Variants in USP4 observed in about 807,000 individuals in gnomAD.
USP4 encodes ubiquitin carboxyl-terminal hydrolase 4.
Under a neutral mutation model 118.2 loss-of-function variants are expected in USP4, and 72 were observed. The ratio of observed to expected loss-of-function variants is 0.61; its 90% CI spans 0.50 to 0.74. USP4 has a LOEUF of 0.74. USP4 is among the 30% of genes least tolerant of loss of function. USP4 has a pLI of 0.00. For synonymous variants in USP4, 415 were observed against 440.4 expected (o/e 0.94, Z 0.72); for missense variants, 1,037 against 1,185.7 (o/e 0.87, Z 1.84).
At chr3:49,304,109 T>A (rs991372487) in intron 9 of USP4, among the ~76,000 whole-genome samples, 2 of 152,200 alleles carry the variant, frequency 1.3e-5, no homozygotes, top group African/African-American at 4.8e-5. Context: ...CATTTATATA[T>A]TTCCCAGGGA....
intron 1 of USP4, among the ~76,000 whole-genome samples, chr3:49,336,642 A>C (rs2047671763): frequency 6.6e-6 from 1 of 151,750 alleles, no homozygotes; most frequent in Non-Finnish European, 1.5e-5. Flanking sequence ...CTCCTGCCTC[A>C]GTCTCCCGTA....
chr3:49,295,703 C>T (rs941770925), intron 13 of USP4, among the ~76,000 whole-genome samples: 30 of 145,978 alleles, frequency 2.1e-4, no homozygotes, highest in Admixed American at 7.4e-4. Flanking sequence ...TGCACGTGTG[C>T]GCGCGCGCGC....
At chr3:49,337,283 A>G (rs897267479) in intron 1 of USP4, among the ~76,000 whole-genome samples, 3 of 152,294 alleles carry the variant, frequency 2.0e-5, no homozygotes, top group South Asian at 4.1e-4. Flanking sequence ...TGTCAAAAAA[A>G]AAAAAGTACA....
chr3:49,307,981 C>T (rs945963197), intron 8 of USP4, among the ~76,000 whole-genome samples: 4 of 151,750 alleles, frequency 2.6e-5, no homozygotes, highest in Non-Finnish European at 4.4e-5. Context: ...CTAGCCTGGG[C>T]ATCAGAGAGA....
chr3:49,332,438 C>T (rs2047627850), intron 2 of USP4, among the ~76,000 whole-genome samples: 1 of 150,336 alleles, frequency 6.7e-6, no homozygotes, highest in South Asian at 2.1e-4. Flanking sequence ...GGTGACAGGG[C>T]AAGACCCTGT....
At position 49,280,881 on chromosome 3, in the gene USP4, T is replaced by C. The variant is rs190685528; in HGVS notation, c.2541-34A>G. On this transcript the variant is annotated intron_variant, in intron 19 of 21. Transcript: ENST00000265560. ...AAAACACAAAAATAGTTATTGAATATGTTAAACCCAAACAAAGTAGTTAAG... is the reference window on the plus strand; with the variant it reads ...AAAACACAAAAATAGTTATTGAATACGTTAAACCCAAACAAAGTAGTTAAG... The C allele has an allele frequency of 1.3e-5, 21 of 1,594,586 alleles. No homozygotes were observed. The Admixed American group carries it at 3.4e-4, about 26-fold the overall frequency.
chr3:49,305,692 C>CAT (rs768007728), intron 9 of USP4, 23 bp downstream of exon 9: 387 of 1,536,608 alleles, frequency 2.5e-4, no homozygotes, highest in East Asian at 9.9e-4. Flanking sequence ...ATACCCAACC[C>CAT]ATATATATAT....
At chr3:49,280,615 G>A in intron 20 of USP4, 129 bp downstream of exon 20, 5 of 510,274 alleles carry the variant, frequency 9.8e-6, no homozygotes, top group Admixed American at 3.8e-5. Flanking sequence ...TCAGTATGAA[G>A]AAAGCGTGCA....
At chr3:49,312,901 T>C (rs1385436737) in intron 6 of USP4, 1 of 149,194 alleles carries the variant, frequency 6.7e-6, no homozygotes, top group Non-Finnish European at 1.5e-5. Context: ...TTTTTTCTTT[T>C]TTTTTTTTGA....
chr3:49,281,379 C>A (rs1264623485), intron 19 of USP4, among the ~76,000 whole-genome samples: 4 of 151,522 alleles, frequency 2.6e-5, no homozygotes, highest in Admixed American at 2.0e-4. Flanking sequence ...TGGCGTGAAC[C>A]CGGGAGGTGG....
chr3:49,291,573 CAA>C (rs768383989), intron 15 of USP4, among the ~76,000 whole-genome samples: 14 of 46,936 alleles, frequency 3.0e-4, no homozygotes, highest in Non-Finnish European at 4.7e-4. Flanking sequence ...GATTCCGTCT[CAA>C]AAAAAAAAAA....
chr3:49,325,150 G>T, intron 4 of USP4, 111 bp from the exon 5 acceptor site: 1 of 1,370,940 alleles, frequency 7.3e-7, no homozygotes, highest in Non-Finnish European at 1.0e-6. Context: ...CAGGTGCTCT[G>T]GATCAACCCC....
chr3:49,310,860 C>A, intron 7 of USP4, 123 bp from the exon 8 acceptor site: 3 of 700,600 alleles, frequency 4.3e-6, no homozygotes, highest in Non-Finnish European at 7.5e-6. Context: ...GATGCAAATT[C>A]CCTCTACTCC....
Position 49,278,835 on chromosome 3 carries a change from C to T in USP4, c.2712G>A (p.Leu904=), listed in dbSNP as rs770419060. 6.2e-7 allele frequency: 1 copy of T among 1,612,802 alleles called. No homozygotes were observed. Among genetic ancestry groups the T allele is most frequent in the Non-Finnish European group, 8.5e-7 (1 of 1,179,372 alleles). ...TCACCACTATCTGATCCTCAGAGGC[C>T]AGGGACACGTTGCTATCATCAAAGT... is the stretch of plus-strand genomic sequence containing the variant. ...WYYFDDSNVS[L]ASEDQIVTKA... The change falls in exon 21 of 22, where the codon CTG becomes CTA. Residue 904 remains leucine, a synonymous_variant. Coordinates refer to ENST00000265560, the MANE Select transcript of USP4 (RefSeq NM_003363.4).
In USP4 at chr3:49,310,670, A is replaced by AG. The variant is rs1559473355; in HGVS notation, c.903dup (p.Cys302LeufsTer27). 6.2e-7 allele frequency: 1 copy of AG among 1,614,196 alleles called. No individual in the cohort carries two copies. The highest frequency in any genetic ancestry group is 1.7e-5 in the Admixed American group (1 of 59,996). Reference sequence around the variant, plus strand: ...GTGTTTCCCAGGTTTCCAAGTCCACAGAGCCCAGGTTGTATATGAGAGGAT... The same window carrying AG: ...GTGTTTCCCAGGTTTCCAAGTCCACAGGAGCCCAGGTTGTATATGAGAGGAT... On this transcript the variant is annotated frameshift_variant, in exon 8 of 22. Coordinates refer to ENST00000265560, the MANE Select transcript of USP4 (RefSeq NM_003363.4). LOFTEE classifies it high-confidence loss of function.
At chr3:49,298,846 C>T (rs2047235424) in intron 11 of USP4, among the ~76,000 whole-genome samples, 1 of 152,198 alleles carries the variant, frequency 6.6e-6, no homozygotes, top group Non-Finnish European at 1.5e-5. Flanking sequence ...GGGGGCTAGG[C>T]CATCTCTTTC....
intron 6 of USP4, chr3:49,312,248 C>T (rs74697187): frequency 0.014 from 3,975 of 275,374 alleles, 173 homozygotes; most frequent in African/African-American, 0.085. Context: ...CATGAGGTCA[C>T]GATCACAAGG....
Position 49,286,236 on chromosome 3 carries a change from C to T in USP4, c.2062G>A (p.Asp688Asn), listed in dbSNP as rs769099094. Residue 688 changes from aspartate to asparagine, a missense_variant, in exon 16 of 22, where the codon GAC (aspartate) becomes AAC (asparagine). By Grantham distance (23) the Asp-to-Asn change is conservative. This residue lies in a region of USP4 where 522 missense variants were observed against 592.6 expected (regional missense o/e 0.88). Coordinates refer to ENST00000265560, the MANE Select transcript of USP4 (RefSeq NM_003363.4). ...TTCTTTTGGGTGGTCTCACTGGGGT[C>T]ATTTCCTGGCTCATCTTCCCCACTG... ...EGSGEDEPGN[D>N]PSETTQKKIK... is the part of the protein sequence containing the mutation. 1.2e-6 allele frequency: 2 copies of T among 1,614,004 alleles called. No individual in the cohort carries two copies. Among genetic ancestry groups the T allele is most frequent in the African/African-American group, 2.7e-5 (2 of 74,892 alleles).
intron 16 of USP4, 46 bp downstream of exon 16, chr3:49,286,052 C>T (rs1289686297): frequency 6.3e-7 from 1 of 1,580,116 alleles, no homozygotes; most frequent in Admixed American, 1.7e-5. Flanking sequence ...TCAAACAGAT[C>T]CTAAGACCCT....
Sources: allele counts gnomAD v4.1 joint callset (sites outside exome capture counted in the v4.1 genomes callset), GRCh38; gene constraint gnomAD v4.1.1; regional missense constraint gnomAD v4.1.1; transcripts MANE v1.5; gene names NCBI Gene and HGNC (gene_info 2026-07-23, HGNC 2026-07-21).